The following RSRC1 variants were observed in gnomAD, a reference collection of about 807,000 sequenced individuals.
RSRC1 encodes serine/Arginine-related protein 53.
In RSRC1, 39 loss-of-function variants were observed where a neutral mutation model predicts 49.1. The ratio of observed to expected loss-of-function variants is 0.79; its 90% CI spans 0.61 to 1.04. The LOEUF is 1.04. RSRC1 is among the 50% of genes least tolerant of loss of function. The pLI, the probability that RSRC1 is intolerant of heterozygous loss-of-function variation, is 0.00. For synonymous variants in RSRC1, 143 were observed against 130.8 expected (o/e 1.09, Z -0.63); for missense variants, 388 against 402.4 (o/e 0.96, Z 0.31).
At chr3:158,327,778 G>A (rs529294028) in intron 5 of RSRC1, among the ~76,000 whole-genome samples, 176 of 152,140 alleles carry the variant, frequency 1.2e-3, no homozygotes, top group Non-Finnish European at 2.1e-3. Context: ...TTCAATTCCT[G>A]GATATCCTTG....
chr3:158,446,533 TAGAA>T (rs1430743530), intron 6 of RSRC1, among the ~76,000 whole-genome samples: 1 of 152,022 alleles, frequency 6.6e-6, no homozygotes, highest in Non-Finnish European at 1.5e-5. Context: ...TTGCCTGTAA[TAGAA>T]AGAAATGCAT....
chr3:158,304,498 A>G (rs1033604470), intron 5 of RSRC1, among the ~76,000 whole-genome samples: 1 of 152,308 alleles, frequency 6.6e-6, no homozygotes, highest in Admixed American at 6.5e-5. Context: ...AGCATTTTAA[A>G]TATTTCAGTT....
At chr3:158,490,541 TATAG>T (rs1314465274) in intron 7 of RSRC1, among the ~76,000 whole-genome samples, 3 of 152,376 alleles carry the variant, frequency 2.0e-5, no homozygotes, top group Non-Finnish European at 4.4e-5. Context: ...TTTGTATATT[TATAG>T]ATATAGTTAT....
At chr3:158,479,076 A>G in intron 7 of RSRC1, among the ~76,000 whole-genome samples, 1 of 150,954 alleles carries the variant, frequency 6.6e-6, no homozygotes, top group East Asian at 1.9e-4. Flanking sequence ...ACCAGTGATG[A>G]TAGATTTTTT....
intron 6 of RSRC1, among the ~76,000 whole-genome samples, chr3:158,446,097 A>C (rs965122569): frequency 2.6e-5 from 4 of 152,114 alleles, no homozygotes; most frequent in Admixed American, 6.6e-5. Flanking sequence ...AGATGATAAA[A>C]TATTGATAAT....
chr3:158,358,452 G>A (rs1253198636), intron 6 of RSRC1, among the ~76,000 whole-genome samples: 9 of 152,086 alleles, frequency 5.9e-5, no homozygotes, highest in Admixed American at 4.6e-4. Flanking sequence ...TCTGTAGCGA[G>A]ACACTAATGA....
chr3:158,287,175 C>A (rs1578291387), intron 4 of RSRC1, among the ~76,000 whole-genome samples: 1 of 152,008 alleles, frequency 6.6e-6, no homozygotes, highest in Non-Finnish European at 1.5e-5. Context: ...TATTTATGAC[C>A]TTCTATTTGG....
At chr3:158,245,116 G>A (rs1354738929) in intron 4 of RSRC1, among the ~76,000 whole-genome samples, 1 of 145,780 alleles carries the variant, frequency 6.9e-6, no homozygotes, top group Non-Finnish European at 1.5e-5. Flanking sequence ...AGTTCTTTTA[G>A]TTATTAATTT....
chr3:158,342,769 G>A (rs1027070970), intron 5 of RSRC1, among the ~76,000 whole-genome samples: 14 of 152,008 alleles, frequency 9.2e-5, no homozygotes, highest in Admixed American at 2.0e-4. Flanking sequence ...CTAAAAACGC[G>A]GACAAAATAT....
chr3:158,440,080 C>G (rs1164775948), intron 6 of RSRC1, among the ~76,000 whole-genome samples: 1 of 152,012 alleles, frequency 6.6e-6, no homozygotes, highest in Non-Finnish European at 1.5e-5. Context: ...ACGTGTATAC[C>G]TATGTAACAA....
chr3:158,525,609 T>C (rs1711965443), intron 7 of RSRC1, among the ~76,000 whole-genome samples: 1 of 151,982 alleles, frequency 6.6e-6, no homozygotes, highest in South Asian at 2.1e-4. Context: ...TGTACATGAA[T>C]GTTATAGCAA....
At chr3:158,186,300 C>T (rs1407513866) in intron 3 of RSRC1, among the ~76,000 whole-genome samples, 1 of 151,882 alleles carries the variant, frequency 6.6e-6, no homozygotes, top group African/African-American at 2.4e-5. Context: ...ATACATATGG[C>T]CCTTGTGAAA....
intron 4 of RSRC1, among the ~76,000 whole-genome samples, 178 bp from the exon 5 acceptor site, chr3:158,297,861 T>C (rs974135822): frequency 6.6e-6 from 1 of 152,048 alleles, no homozygotes; most frequent in Non-Finnish European, 1.5e-5. Flanking sequence ...GTGGTAAATC[T>C]GATATAAATT....
intron 7 of RSRC1, among the ~76,000 whole-genome samples, chr3:158,485,357 ATATTT>A (rs1038506615): frequency 4.6e-5 from 7 of 152,100 alleles, no homozygotes; most frequent in Non-Finnish European, 8.8e-5. Context: ...CTAAAAGCAA[ATATTT>A]TATTATATAC....
At chr3:158,245,603 A>G (rs949928779) in intron 4 of RSRC1, among the ~76,000 whole-genome samples, 1 of 152,142 alleles carries the variant, frequency 6.6e-6, no homozygotes, top group African/African-American at 2.4e-5. Flanking sequence ...TGATCTGTCT[A>G]ATATTGTCAG....
intron 3 of RSRC1, among the ~76,000 whole-genome samples, chr3:158,196,461 C>A (rs1178718841): frequency 6.6e-6 from 1 of 152,188 alleles, no homozygotes; most frequent in Non-Finnish European, 1.5e-5. Flanking sequence ...GACAGTTTGA[C>A]TTCCTCTTTT....
intron 6 of RSRC1, among the ~76,000 whole-genome samples, chr3:158,383,788 G>C (rs990544632): frequency 6.6e-6 from 1 of 152,128 alleles, no homozygotes; most frequent in East Asian, 1.9e-4. Flanking sequence ...ATGCATTATA[G>C]AAAGATATCA....
At chr3:158,205,045 T>C (rs959413599) in intron 4 of RSRC1, among the ~76,000 whole-genome samples, 7 of 152,180 alleles carry the variant, frequency 4.6e-5, no homozygotes, top group Non-Finnish European at 1.0e-4. Context: ...AGTGGACCAA[T>C]TTCTGGATGG....
chr3:158,280,476 G>T (rs1039215778), intron 4 of RSRC1, among the ~76,000 whole-genome samples: 36 of 151,928 alleles, frequency 2.4e-4, no homozygotes, highest in Non-Finnish European at 4.4e-4. Context: ...GTTCATAATT[G>T]TATCCATAAT....
Sources: gnomAD v4.1 joint callset for allele counts (sites outside exome capture counted in the v4.1 genomes callset) on GRCh38, gnomAD v4.1.1 for gene constraint, MANE v1.5 for transcripts, NCBI Gene and HGNC (gene_info 2026-07-23, HGNC 2026-07-21) for gene names.